CPNE9: variants seen among roughly 807,000 people sequenced by gnomAD.
CPNE9 encodes the protein copine family member 9.
Under a neutral mutation model 83.0 loss-of-function variants are expected in CPNE9, and 59 were observed. That is an observed-to-expected ratio of 0.71 (90% CI 0.58 to 0.88). The LOEUF is 0.88. CPNE9 is among the 40% of genes least tolerant of loss of function. CPNE9 has a pLI of 0.00. For missense variants in CPNE9, 619 were observed against 720.8 expected, an observed-to-expected ratio of 0.86 and a Z score of 1.62; for synonymous variants, 256 against 273.4, an observed-to-expected ratio of 0.94 and a Z score of 0.63.
At chr3:9,706,458 C>T (rs918706481) in intron 7 of CPNE9, among the ~76,000 whole-genome samples, 1 of 152,168 alleles carries the variant, frequency 6.6e-6, no homozygotes, top group African/African-American at 2.4e-5. Context: ...ATCCCACACC[C>T]TGTTCTAGGC....
intron 13 of CPNE9, 29 bp downstream of exon 13, chr3:9,715,555 C>G: frequency 6.3e-7 from 1 of 1,591,970 alleles, no homozygotes; most frequent in Non-Finnish European, 8.6e-7. Flanking sequence ...CGTGGCCCTC[C>G]CTGGATCCTT....
At chr3:9,712,941 A>T in intron 9 of CPNE9, 34 bp from the exon 10 acceptor site, 2 of 1,596,048 alleles carry the variant, frequency 1.3e-6, no homozygotes, top group Non-Finnish European at 1.7e-6. Flanking sequence ...CGGGCACGAG[A>T]TAAATTATAC....
chr3:9,711,683 C>A (rs972979320), intron 7 of CPNE9, among the ~76,000 whole-genome samples: 19 of 152,156 alleles, frequency 1.2e-4, no homozygotes, highest in African/African-American at 4.3e-4. Context: ...ACCTAGTTTT[C>A]TCTCTGCCAC....
intron 5 of CPNE9, 52 bp from the exon 6 acceptor site, chr3:9,705,666 C>T (rs2076556686): frequency 2.5e-6 from 4 of 1,611,586 alleles, no homozygotes; most frequent in African/African-American, 1.3e-5. Context: ...CTGCCTGTGC[C>T]CCCTACTCAC....
At chr3:9,712,491 C>A (rs753841499) in intron 7 of CPNE9, 50 bp from the exon 8 acceptor site, 13 of 1,512,864 alleles carry the variant, frequency 8.6e-6, no homozygotes, top group Admixed American at 5.0e-5. Flanking sequence ...CCACTCAATC[C>A]TTGTTGCCTA....
intron 7 of CPNE9, among the ~76,000 whole-genome samples, chr3:9,712,062 T>TATCA: frequency 6.6e-6 from 1 of 152,284 alleles, no homozygotes; most frequent in East Asian, 1.9e-4. Flanking sequence ...AATTCATATC[T>TATCA]ATCACAGCAC....
chr3:9,715,234 G>C, intron 11 of CPNE9, 55 bp from the exon 12 acceptor site: 1 of 1,568,402 alleles, frequency 6.4e-7, no homozygotes, highest in Non-Finnish European at 8.8e-7. Flanking sequence ...ACTGGGTTCA[G>C]CTCTGGTTCC....
At chr3:9,725,907 T>G (rs1325537268) in intron 17 of CPNE9, 42 bp from the exon 18 acceptor site, 1 of 1,478,104 alleles carries the variant, frequency 6.8e-7, no homozygotes, top group Non-Finnish European at 9.5e-7. Context: ...TCCCTTGGCC[T>G]GTCTGGCTTT....
At chr3:9,716,097 C>T in intron 14 of CPNE9, 62 bp downstream of exon 14, 4 of 1,445,270 alleles carry the variant, frequency 2.8e-6, no homozygotes, top group Non-Finnish European at 3.8e-6. Context: ...AGTTCTGAGC[C>T]CCAGGTTTCT....
rs374176401 is a variant in CPNE9 at position 9,704,071 on chromosome 3, G to T, written c.68+7G>T. ...AAATTACCGTGTCCTGCCGGTGAGC[G>T]GGCCGCGCTGGGGAGGGCTTAGGCA... On this transcript the variant is annotated splice_region_variant and intron_variant, in intron 1 of 20. Transcript: ENST00000383832. The surrounding 1 kb of genome is among the most constrained non-coding windows in gnomAD (Gnocchi z 7.1). 3 of 1,602,586 alleles carry T rather than the reference G, an allele frequency of 1.9e-6. No individual in the cohort carries two copies. Among genetic ancestry groups the T allele is most frequent in the African/African-American group, 1.3e-5 (1 of 74,596 alleles).
At chr3:9,727,854 C>G (rs1468676772) in intron 20 of CPNE9, among the ~76,000 whole-genome samples, 2 of 152,044 alleles carry the variant, frequency 1.3e-5, no homozygotes, top group Non-Finnish European at 2.9e-5. Context: ...AGTGAGGAAG[C>G]CTTTGAAGTA....
intron 7 of CPNE9, among the ~76,000 whole-genome samples, chr3:9,709,269 C>T (rs1337685284): frequency 7.0e-6 from 1 of 142,024 alleles, no homozygotes; most frequent in Non-Finnish European, 1.5e-5. Context: ...GAGGGAGACT[C>T]CATCTCAAAA....
chr3:9,726,985 T>G, intron 19 of CPNE9, 128 bp from the exon 20 acceptor site: 1 of 982,302 alleles, frequency 1.0e-6, no homozygotes, highest in Non-Finnish European at 1.6e-6. Flanking sequence ...CGAAGACTGA[T>G]ATTTGTAGGA....
In CPNE9 at chr3:9,712,668, CT is replaced by C. The variant is rs1272693044; in HGVS notation, c.442-56del. ...CTCTCCCCGTAAACCCTTTAATGGA[CT>C]GTCTGAAGGCTATGGACAATTGGGG... On this transcript the variant is annotated intron_variant, in intron 8 of 20. Transcript: ENST00000383832. The C allele has an allele frequency of 3.1e-6, 5 of 1,605,582 alleles. No individual in the cohort carries two copies. The African/African-American group carries it at 4.0e-5, about 13-fold the overall frequency.
intron 7 of CPNE9, among the ~76,000 whole-genome samples, chr3:9,709,738 C>A (rs980453324): frequency 6.6e-6 from 1 of 151,636 alleles, no homozygotes; most frequent in Non-Finnish European, 1.5e-5. Flanking sequence ...TTTAGGAGGC[C>A]GAGGCCTCCT....
rs762086531 is a variant in CPNE9, at chr3:9,714,941, G to A, written c.678G>A (p.Trp226Ter). ...CGGTGAAGATTGATGTGTACGACTG[G>A]GACCGGGATGGAAGGTAGAACTGCC... is the stretch of plus-strand genomic sequence containing the variant. Reference protein sequence around the residue: ...DRTVKIDVYDWDRDGSHDFIG... With the variant: ...DRTVKIDVYD Residue 226 changes from tryptophan (W) to a stop codon, truncating the protein, a stop_gained, in exon 11 of 21, where the codon TGG becomes TGA. Transcript: ENST00000383832. LOFTEE classifies it high-confidence loss of function. 1 of 1,613,852 alleles carries A rather than the reference G, an allele frequency of 6.2e-7. No individual in the cohort carries two copies.
chr3:9,714,581 G>C (rs569554377), intron 10 of CPNE9, among the ~76,000 whole-genome samples: 5 of 136,534 alleles, frequency 3.7e-5, no homozygotes, highest in African/African-American at 1.1e-4. Flanking sequence ...TAAGTTAAAT[G>C]AGACAATCTG....
At chr3:9,713,824 C>G (rs947374196) in intron 10 of CPNE9, among the ~76,000 whole-genome samples, 2 of 152,100 alleles carry the variant, frequency 1.3e-5, no homozygotes, top group Non-Finnish European at 1.5e-5. Context: ...GTAATCCCAG[C>G]ACTTTGGGAG....
chr3:9,722,165 C>A (rs555571650), intron 17 of CPNE9, among the ~76,000 whole-genome samples: 7 of 151,564 alleles, frequency 4.6e-5, no homozygotes, highest in Admixed American at 2.0e-4. Context: ...GATCCACCCC[C>A]CCCCGCCACC....
Sources: gnomAD v4.1 joint callset for allele counts (sites outside exome capture counted in the v4.1 genomes callset) on GRCh38, gnomAD v4.1.1 for gene constraint, Gnocchi (gnomAD v3.1) non-coding constraint, MANE v1.5 for transcripts, NCBI Gene and HGNC (gene_info 2026-07-23, HGNC 2026-07-21) for gene names.